Variants in PCCA observed in about 807,000 individuals in gnomAD.
The protein encoded by PCCA is propionyl-CoA carboxylase subunit alpha.
A neutral mutation model predicts 101.3 loss-of-function variants in PCCA; 74 were observed. That is an observed-to-expected ratio of 0.73 (90% CI 0.61 to 0.89). The LOEUF (loss-of-function observed/expected upper bound fraction) is 0.89. Among genes scored for constraint, PCCA ranks in the 40% least tolerant of loss-of-function variants. The pLI, the probability that PCCA is intolerant of heterozygous loss-of-function variation, is 0.00. For missense variants in PCCA, 891 were observed against 907.0 expected (o/e 0.98, Z 0.23); for synonymous variants, 294 against 313.6 (o/e 0.94, Z 0.66).
At position 100,449,356 on chromosome 13, in the gene PCCA, CA is replaced by C. The variant is rs549926708; in HGVS notation, c.1899+53del. 594 of 1,099,752 alleles carry C rather than the reference CA, an allele frequency of 5.4e-4. 2 individuals carry two copies. The African/African-American group carries it at 8.5e-3, about 16-fold the overall frequency. 68.1% of individuals were successfully genotyped at this position (1,099,752 alleles called of 1,614,324 possible). On this transcript the variant is annotated intron_variant, in intron 21 of 23. Coordinates refer to ENST00000376285, the MANE Select transcript of PCCA (RefSeq NM_000282.4). Reference sequence around the variant, plus strand: ...TCTTAATTTACAGAGAAAAAATGTTCAACTAGTTGTAGCTCATGTGTTTGAA... The same window carrying C: ...TCTTAATTTACAGAGAAAAAATGTTCACTAGTTGTAGCTCATGTGTTTGAA...
At chr13:100,320,550 G>T (rs534660116) in intron 16 of PCCA, among the ~76,000 whole-genome samples, 1 of 152,292 alleles carries the variant, frequency 6.6e-6, no homozygotes, top group East Asian at 1.9e-4. Context: ...GTTGAATTTT[G>T]TCAAAGGCCT....
Position 100,403,107 on chromosome 13 carries a change from AATACAACT to A in PCCA, c.1747-22525_1747-22518del, listed in dbSNP as rs572507100. Reference sequence around the variant, plus strand: ...CATTTGTAACTGGTCTATCGAAGTGAATACAACTGTAGCAGGTTGGAGATGGGGCTTTG... The same window carrying A: ...CATTTGTAACTGGTCTATCGAAGTGAGTAGCAGGTTGGAGATGGGGCTTTG... On this transcript the variant is annotated intron_variant, in intron 19 of 23. Transcript: ENST00000376285. Among the ~76,000 whole-genome samples the A allele has an allele frequency of 3.4e-3, 513 of 152,256 alleles. 3 individuals are homozygous for A. Among genetic ancestry groups the A allele is most frequent in the African/African-American group, 0.012 (489 of 41,548 alleles).
chr13:100,345,403 A>G (rs1047352076), intron 18 of PCCA, among the ~76,000 whole-genome samples: 1 of 151,664 alleles, frequency 6.6e-6, no homozygotes, highest in African/African-American at 2.4e-5. Flanking sequence ...ACCAGCCACA[A>G]CATTCACTTA....
intron 4 of PCCA, among the ~76,000 whole-genome samples, chr13:100,147,865 T>C (rs940432040): frequency 5.9e-5 from 9 of 152,174 alleles, no homozygotes; most frequent in African/African-American, 1.2e-4. Flanking sequence ...TTGTGATGGA[T>C]CTATATAGTT....
chr13:100,424,901 G>T (rs911346180), intron 19 of PCCA, among the ~76,000 whole-genome samples: 1 of 152,168 alleles, frequency 6.6e-6, no homozygotes, highest in African/African-American at 2.4e-5. Flanking sequence ...ATATTAAAGA[G>T]TTAGGGAATA....
intron 19 of PCCA, among the ~76,000 whole-genome samples, chr13:100,373,526 A>T (rs2075708851): frequency 6.6e-6 from 1 of 152,204 alleles, no homozygotes; most frequent in African/African-American, 2.4e-5. Context: ...GATTCCACTT[A>T]TATGAGGTAC....
At chr13:100,246,479 T>G (rs1174659453) in intron 8 of PCCA, among the ~76,000 whole-genome samples, 1 of 151,806 alleles carries the variant, frequency 6.6e-6, no homozygotes, top group Non-Finnish European at 1.5e-5. Flanking sequence ...TTGGCTAATT[T>G]TTGTTGTTGT....
chr13:100,090,775 C>G (rs1044258516), intron 1 of PCCA, among the ~76,000 whole-genome samples: 1 of 152,202 alleles, frequency 6.6e-6, no homozygotes, highest in Non-Finnish European at 1.5e-5. Flanking sequence ...AATCTCACAA[C>G]AGTCGTATGT....
chr13:100,277,480 TC>T (rs1400582735), intron 12 of PCCA, among the ~76,000 whole-genome samples: 3 of 152,034 alleles, frequency 2.0e-5, no homozygotes, highest in Non-Finnish European at 4.4e-5. Flanking sequence ...CATCTCCCAT[TC>T]CCCACCAGTT....
chr13:100,381,754 G>A (rs1159437994), intron 19 of PCCA, among the ~76,000 whole-genome samples: 3 of 152,204 alleles, frequency 2.0e-5, no homozygotes, highest in African/African-American at 7.2e-5. Flanking sequence ...AAGGAGGCGG[G>A]AACTGTAGTG....
intron 18 of PCCA, among the ~76,000 whole-genome samples, chr13:100,345,284 C>G (rs577505326): frequency 6.6e-6 from 1 of 152,264 alleles, no homozygotes; most frequent in East Asian, 1.9e-4. Context: ...AGGAAAAGTT[C>G]TTGAAGGAAA....
At chr13:100,241,559 C>G (rs2061139580) in intron 8 of PCCA, among the ~76,000 whole-genome samples, 1 of 152,162 alleles carries the variant, frequency 6.6e-6, no homozygotes, top group Admixed American at 6.5e-5. Flanking sequence ...CAGCTTTAAT[C>G]TCCTGGGCTC....
intron 7 of PCCA, among the ~76,000 whole-genome samples, chr13:100,222,128 C>T (rs1383358368): frequency 6.6e-6 from 1 of 151,996 alleles, no homozygotes; most frequent in South Asian, 2.1e-4. Flanking sequence ...TCCATCCCCG[C>T]CCCCTGGGTT....
intron 18 of PCCA, among the ~76,000 whole-genome samples, chr13:100,345,127 C>T (rs182717945): frequency 1.3e-5 from 2 of 152,266 alleles, no homozygotes; most frequent in East Asian, 3.9e-4. Flanking sequence ...GCAGTGGCCT[C>T]TAAGTGTTCA....
rs530168402 is a variant in PCCA at position 100,367,718 on chromosome 13, G to A, written c.1644-754G>A. Among the ~76,000 whole-genome samples the A allele has an allele frequency of 2.7e-5, 4 of 150,260 alleles. No homozygotes were observed. In the South Asian group the frequency reaches 8.5e-4, roughly 32 times the overall value. On this transcript the variant is annotated intron_variant, in intron 18 of 23. Coordinates refer to ENST00000376285, the MANE Select transcript of PCCA (RefSeq NM_000282.4). ...TCATGCCTGTAATCCCAGCACTTTG[G>A]GAAGCCGAGGCGGGTGGATCATGAG...
At chr13:100,128,899 GT>G (rs1167729631) in intron 4 of PCCA, among the ~76,000 whole-genome samples, 2 of 152,086 alleles carry the variant, frequency 1.3e-5, no homozygotes, top group Admixed American at 1.3e-4. Flanking sequence ...TCTTAAAATT[GT>G]TTTATTTTTT....
chr13:100,335,117 AGTAC>A (rs1421329115), intron 17 of PCCA, among the ~76,000 whole-genome samples: 1 of 152,230 alleles, frequency 6.6e-6, no homozygotes, highest in African/African-American at 2.4e-5. Context: ...TTGACTCAAG[AGTAC>A]TATACCCAGC....
chr13:100,240,961 C>G (rs1371857472), intron 8 of PCCA, among the ~76,000 whole-genome samples: 1 of 152,062 alleles, frequency 6.6e-6, no homozygotes, highest in Admixed American at 6.6e-5. Flanking sequence ...AGAATCCCAC[C>G]AAGGTGCTGA....
intron 10 of PCCA, among the ~76,000 whole-genome samples, chr13:100,264,052 CG>C (rs2062743134): frequency 2.8e-5 from 4 of 141,780 alleles, no homozygotes; most frequent in African/African-American, 1.0e-4. Context: ...ATCTGTATAT[CG>C]TATATATACG....
Sources: allele counts gnomAD v4.1 joint callset (sites outside exome capture counted in the v4.1 genomes callset), GRCh38; gene constraint gnomAD v4.1.1; transcripts MANE v1.5; gene names NCBI Gene and HGNC (gene_info 2026-07-23, HGNC 2026-07-21).